Variants in TYW2 observed in about 807,000 individuals in gnomAD.
The protein encoded by TYW2 is tRNA wybutosine-synthesizing protein 2, also known as tRNA wybutosine-synthesizing protein 2 homolog.
At chr8:124,450,851 C>A in the TYW2 span, 3 of 1,514,062 alleles carry the variant, frequency 2.0e-6, no homozygotes, top group Non-Finnish European at 2.7e-6. Flanking sequence ...GGGTGAGCTG[C>A]AGGCTACCTT....
chr8:124,451,420 G>A, the TYW2 span: 6 of 1,614,170 alleles, frequency 3.7e-6, no homozygotes, highest in Admixed American at 3.3e-5. Context: ...GGAGACCGTT[G>A]CCTTGGCACT....
chr8:124,451,084 C>T, the TYW2 span: 2 of 1,614,200 alleles, frequency 1.2e-6, no homozygotes, highest in Non-Finnish European at 1.7e-6. Context: ...GGAAAAGATG[C>T]CGGATGGCTC....
the TYW2 span, chr8:124,452,815 G>A: frequency 1.2e-5 from 2 of 167,638 alleles, no homozygotes; most frequent in African/African-American, 2.4e-5. Flanking sequence ...TGGTGGTAAT[G>A]GGAGGTAGAT....
At chr8:124,451,612 G>T in the TYW2 span, 1 of 1,614,188 alleles carries the variant, frequency 6.2e-7, no homozygotes, top group Admixed American at 1.7e-5. Flanking sequence ...GCTTCGAGTG[G>T]CATCGTTGTC....
chr8:124,451,780 G>T, the TYW2 span: 1 of 1,614,188 alleles, frequency 6.2e-7, no homozygotes, highest in Middle Eastern at 1.6e-4. Flanking sequence ...TGGAGTAGCA[G>T]ATCGGTGCCA....
At chr8:124,451,858 A>C in the TYW2 span, 1 of 1,614,202 alleles carries the variant, frequency 6.2e-7, no homozygotes, top group Non-Finnish European at 8.5e-7. Flanking sequence ...CCTGGGGCTG[A>C]TTCCCAGCTC....
chr8:124,451,438 C>T, the TYW2 span: 1 of 1,614,154 alleles, frequency 6.2e-7, no homozygotes, highest in Non-Finnish European at 8.5e-7. Flanking sequence ...ACTTGGCGTC[C>T]AGCGTTTGGC....
the TYW2 span, chr8:124,451,159 G>T: frequency 2.5e-6 from 4 of 1,614,182 alleles, no homozygotes; most frequent in African/African-American, 5.3e-5. Flanking sequence ...GAGGAATCGT[G>T]TTGCCCCAGG....
chr8:124,451,356 G>A, the TYW2 span: 1 of 1,614,192 alleles, frequency 6.2e-7, no homozygotes, highest in Non-Finnish European at 8.5e-7. Flanking sequence ...TCTTGTTGCT[G>A]AGTGAAGACT....
At chr8:124,451,599 G>C in the TYW2 span, 3 of 1,614,226 alleles carry the variant, frequency 1.9e-6, no homozygotes, top group Non-Finnish European at 1.7e-6. Flanking sequence ...ACATCACTGA[G>C]AAGCTTCGAG....
At chr8:124,450,887 C>G in the TYW2 span, 3 of 1,571,680 alleles carry the variant, frequency 1.9e-6, no homozygotes, top group Non-Finnish European at 2.6e-6. Context: ...TTTAGTCAGC[C>G]TGGTGAGCCG....
chr8:124,450,825 C>T, the TYW2 span: 36 of 1,387,424 alleles, frequency 2.6e-5, no homozygotes, highest in African/African-American at 4.9e-4. Flanking sequence ...ACGTCATTTC[C>T]GGCACCGGCA....
the TYW2 span, chr8:124,451,894 C>G: frequency 6.8e-6 from 11 of 1,614,030 alleles, no homozygotes; most frequent in African/African-American, 1.3e-4. Context: ...CATTGCCTGC[C>G]AAGTGTTAAG....
the TYW2 span, chr8:124,452,358 G>A: frequency 7.2e-7 from 1 of 1,392,642 alleles, no homozygotes; most frequent in Non-Finnish European, 9.8e-7. Flanking sequence ...CATCCCTTTT[G>A]TCCCCTGGTG....
chr8:124,450,839 C>G, the TYW2 span: 3 of 1,464,706 alleles, frequency 2.0e-6, no homozygotes, highest in East Asian at 2.3e-5. Context: ...ACCGGCATGG[C>G]CGGGTGAGCT....
At chr8:124,451,297 G>T in the TYW2 span, 1 of 1,614,216 alleles carries the variant, frequency 6.2e-7, no homozygotes, top group Non-Finnish European at 8.5e-7. Flanking sequence ...CAAGTGGTCA[G>T]CCGAGTTGGA....
chr8:124,451,751 G>C, the TYW2 span: 12 of 1,614,058 alleles, frequency 7.4e-6, no homozygotes, highest in Admixed American at 3.3e-5. Flanking sequence ...GTTGCTCTGA[G>C]AAATAACCTT....
At chr8:124,451,002 T>C in the TYW2 span, 5 of 1,614,066 alleles carry the variant, frequency 3.1e-6, no homozygotes, top group African/African-American at 5.3e-5. Context: ...CAGTTGTGAC[T>C]GAGCCTTGGT....
chr8:124,451,176 C>T, the TYW2 span: 2 of 1,614,150 alleles, frequency 1.2e-6, no homozygotes, highest in East Asian at 2.2e-5. Flanking sequence ...CAGGCAGTCC[C>T]TGTATGCTCA....
Sources: allele counts gnomAD v4.1 joint callset, GRCh38; gene constraint gnomAD v4.1.1; transcripts MANE v1.5; gene names NCBI Gene and HGNC (gene_info 2026-07-23, HGNC 2026-07-21).